The following WWOX variants were observed in gnomAD, a reference collection of about 807,000 sequenced individuals.
The protein encoded by WWOX is WW domain containing oxidoreductase, also known as WW domain-containing oxidoreductase.
A neutral mutation model predicts 46.2 loss-of-function variants in WWOX; 69 were observed. The ratio of observed to expected loss-of-function variants is 1.49; its 90% confidence interval spans 1.23 to 1.82. The LOEUF (loss-of-function observed/expected upper bound fraction) is 1.82, where lower values mean the gene tolerates loss of function less well. WWOX is among the 40% of genes most tolerant of loss of function. The pLI, the probability that WWOX is intolerant of heterozygous loss-of-function variation, is 0.00. For synonymous variants in WWOX, 359 were observed against 202.6 expected (o/e 1.77, Z -6.56); for missense variants, 919 against 542.6 (o/e 1.69, Z -6.89).
intron 8 of WWOX, among the ~76,000 whole-genome samples, chr16:78,650,933 G>A (rs1393412612): frequency 1.3e-5 from 2 of 152,200 alleles, no homozygotes; most frequent in African/African-American, 2.4e-5. Context: ...TGGCTGTTTG[G>A]TTTATGTCCT....
intron 5 of WWOX, among the ~76,000 whole-genome samples, chr16:78,377,450 C>A (rs142024149): frequency 6.6e-6 from 1 of 152,304 alleles, no homozygotes; most frequent in Admixed American, 6.5e-5. Context: ...CTCCTCTTTA[C>A]TTGCCTGCAA....
At chr16:78,296,514 A>G (rs920249936) in intron 5 of WWOX, among the ~76,000 whole-genome samples, 4 of 150,556 alleles carry the variant, frequency 2.7e-5, no homozygotes, top group South Asian at 4.2e-4. Context: ...ATATGTATAT[A>G]TATTATTATT....
intron 5 of WWOX, among the ~76,000 whole-genome samples, chr16:78,333,651 C>T (rs1303080254): frequency 1.3e-5 from 2 of 152,030 alleles, no homozygotes; most frequent in Non-Finnish European, 2.9e-5. Flanking sequence ...TTCATTAAGT[C>T]TCCAGAATAC....
intron 8 of WWOX, among the ~76,000 whole-genome samples, chr16:78,810,945 C>G (rs1049646194): frequency 2.1e-5 from 3 of 143,930 alleles, no homozygotes; most frequent in Non-Finnish European, 3.1e-5. Context: ...GCAGGCAGAG[C>G]TGGGGATTCC....
chr16:78,772,499 T>C (rs1214613840), intron 8 of WWOX, among the ~76,000 whole-genome samples: 1 of 152,204 alleles, frequency 6.6e-6, no homozygotes, highest in Non-Finnish European at 1.5e-5. Context: ...GAAATGTTAA[T>C]CTTGATCATT....
At chr16:78,463,408 G>T (rs1353357602) in intron 8 of WWOX, among the ~76,000 whole-genome samples, 1 of 152,172 alleles carries the variant, frequency 6.6e-6, no homozygotes, top group African/African-American at 2.4e-5. Context: ...TATATAGACT[G>T]GAGATATTTC....
At chr16:79,020,151 T>C (rs1234289508) in intron 8 of WWOX, among the ~76,000 whole-genome samples, 2 of 152,148 alleles carry the variant, frequency 1.3e-5, no homozygotes, top group African/African-American at 4.8e-5. Flanking sequence ...GTGCTTGTCT[T>C]TGAAACAGTC....
intron 3 of WWOX, chr16:78,112,109 T>G (rs2032525409): frequency 6.6e-6 from 1 of 152,240 alleles, no homozygotes; most frequent in African/African-American, 2.4e-5. Context: ...CAATCCCTCG[T>G]CTCTGCACAC....
intron 3 of WWOX, 134 bp downstream of exon 3, chr16:78,109,969 A>T (rs1309447966): frequency 4.4e-6 from 4 of 906,564 alleles, no homozygotes; most frequent in East Asian, 5.3e-5. Flanking sequence ...AGCAGAAGTG[A>T]CTACTTTTAA....
chr16:78,659,836 A>G (rs1169536096), intron 8 of WWOX, among the ~76,000 whole-genome samples: 1 of 152,184 alleles, frequency 6.6e-6, no homozygotes, highest in African/African-American at 2.4e-5. Flanking sequence ...AACACACAGC[A>G]TGACTCTCCT....
chr16:79,082,087 G>C (rs1252134576), intron 8 of WWOX, among the ~76,000 whole-genome samples: 2 of 152,162 alleles, frequency 1.3e-5, no homozygotes, highest in East Asian at 1.9e-4. Flanking sequence ...CGAAAATACA[G>C]CATCATCAAC....
chr16:78,374,055 G>C (rs946572581), intron 5 of WWOX, among the ~76,000 whole-genome samples: 5 of 152,230 alleles, frequency 3.3e-5, no homozygotes, highest in Non-Finnish European at 7.3e-5. Flanking sequence ...CCACAGTGTG[G>C]GGATTATAGG....
chr16:79,022,311 T>G (rs567602294), intron 8 of WWOX, among the ~76,000 whole-genome samples: 2 of 139,836 alleles, frequency 1.4e-5, no homozygotes, highest in Non-Finnish European at 3.0e-5. Context: ...GGGACAGATT[T>G]TGGGGGCAAG....
chr16:79,039,189 C>T (rs376828288), intron 8 of WWOX, among the ~76,000 whole-genome samples: 3 of 152,048 alleles, frequency 2.0e-5, no homozygotes, highest in African/African-American at 7.2e-5. Context: ...CGGTTTTGAA[C>T]CCAGGACTTT....
At chr16:78,389,241 G>A (rs1337825081) in intron 6 of WWOX, among the ~76,000 whole-genome samples, 1 of 152,206 alleles carries the variant, frequency 6.6e-6, no homozygotes, top group Non-Finnish European at 1.5e-5. Flanking sequence ...TGCAACACTA[G>A]CATTCAAGAC....
intron 8 of WWOX, among the ~76,000 whole-genome samples, chr16:79,170,956 C>T (rs1039831269): frequency 6.6e-6 from 1 of 152,266 alleles, no homozygotes; most frequent in Middle Eastern, 3.4e-3. Flanking sequence ...CTAAATATTC[C>T]TGCATGCACA....
chr16:78,460,592 C>T (rs1786398864), intron 8 of WWOX, among the ~76,000 whole-genome samples: 1 of 152,200 alleles, frequency 6.6e-6, no homozygotes, highest in African/African-American at 2.4e-5. Context: ...GAACACTGGC[C>T]TGAATGACTC....
intron 8 of WWOX, among the ~76,000 whole-genome samples, chr16:78,584,780 A>T (rs191237732): frequency 3.5e-4 from 54 of 152,346 alleles, no homozygotes; most frequent in Middle Eastern, 3.4e-3. Context: ...GAAATTTTCC[A>T]TTCATCTGGT....
At chr16:79,007,880 C>T (rs906091105) in intron 8 of WWOX, among the ~76,000 whole-genome samples, 1 of 152,190 alleles carries the variant, frequency 6.6e-6, no homozygotes, top group Non-Finnish European at 1.5e-5. Flanking sequence ...TTACAAAGCA[C>T]TGTGCATGCA....
Sources: gnomAD v4.1 joint callset for allele counts (sites outside exome capture counted in the v4.1 genomes callset) on GRCh38, gnomAD v4.1.1 for gene constraint, MANE v1.5 for transcripts, NCBI Gene and HGNC (gene_info 2026-07-23, HGNC 2026-07-21) for gene names.